The following GRID2 variants were observed in gnomAD, a reference collection of about 807,000 sequenced individuals.
The protein encoded by GRID2 is glutamate ionotropic receptor delta type subunit 2.
GRID2 carries 33 observed loss-of-function variants against 114.8 expected under a neutral mutation model. That is an observed-to-expected ratio of 0.29 (90% confidence interval 0.22 to 0.38). The LOEUF (loss-of-function observed/expected upper bound fraction) is 0.38. Ranked by LOEUF, GRID2 falls within the 10% of genes least tolerant of loss-of-function variation. The pLI, the probability that GRID2 is intolerant of heterozygous loss-of-function variation, is 1.00. For synonymous variants in GRID2, 505 were observed against 449.9 expected (o/e 1.12, Z -1.55); for missense variants, 1,184 against 1,257.7 (o/e 0.94, Z 0.89).
chr4:93,030,003 G>A (rs1201437457), intron 2 of GRID2, among the ~76,000 whole-genome samples: 1 of 152,152 alleles, frequency 6.6e-6, no homozygotes, highest in Non-Finnish European at 1.5e-5. Flanking sequence ...CACAGCTGGA[G>A]AAATGTACAG....
intron 14 of GRID2, among the ~76,000 whole-genome samples, chr4:93,660,226 A>G (rs1723369063): frequency 6.6e-6 from 1 of 152,160 alleles, no homozygotes; most frequent in Non-Finnish European, 1.5e-5. Flanking sequence ...TATCCCAGTC[A>G]AAACAGCTCC....
At chr4:93,008,066 A>G (rs1186193646) in intron 2 of GRID2, among the ~76,000 whole-genome samples, 1 of 151,108 alleles carries the variant, frequency 6.6e-6, no homozygotes, top group Admixed American at 6.6e-5. Flanking sequence ...CTTGATTTTC[A>G]TGTAGGTAAT....
At chr4:93,711,180 G>A (rs1728445340) in intron 14 of GRID2, among the ~76,000 whole-genome samples, 1 of 151,940 alleles carries the variant, frequency 6.6e-6, no homozygotes, top group African/African-American at 2.4e-5. Flanking sequence ...AATGCACTGG[G>A]TCAGACCTAA....
chr4:93,467,409 T>C (rs1724394118), intron 11 of GRID2, among the ~76,000 whole-genome samples: 1 of 152,340 alleles, frequency 6.6e-6, no homozygotes, highest in South Asian at 2.1e-4. Context: ...GTCTGTATTT[T>C]ATATAAAGGT....
At chr4:92,857,791 T>C (rs932027701) in intron 2 of GRID2, among the ~76,000 whole-genome samples, 1 of 152,198 alleles carries the variant, frequency 6.6e-6, no homozygotes, top group Non-Finnish European at 1.5e-5. Context: ...TGATATTGGA[T>C]AAACATGCTA....
At chr4:92,948,192 T>C (rs1206413971) in intron 2 of GRID2, among the ~76,000 whole-genome samples, 1 of 151,986 alleles carries the variant, frequency 6.6e-6, no homozygotes. Context: ...TGGTTATTTA[T>C]ATTTTTACCA....
At chr4:93,270,760 C>T (rs1323210119) in intron 8 of GRID2, among the ~76,000 whole-genome samples, 2 of 152,048 alleles carry the variant, frequency 1.3e-5, no homozygotes. Flanking sequence ...TCCTGAGTAG[C>T]TGGAATTACA....
intron 3 of GRID2, among the ~76,000 whole-genome samples, chr4:93,100,668 C>T (rs917578206): frequency 6.6e-6 from 1 of 151,976 alleles, no homozygotes; most frequent in African/African-American, 2.4e-5. Flanking sequence ...AACACCAAGA[C>T]TGGCTGAATA....
intron 14 of GRID2, among the ~76,000 whole-genome samples, chr4:93,659,709 C>T (rs1723317489): frequency 6.6e-6 from 1 of 152,104 alleles, no homozygotes; most frequent in African/African-American, 2.4e-5. Context: ...ATTGCAGACC[C>T]AAACATAGCT....
At chr4:93,210,753 T>C (rs987542688) in intron 5 of GRID2, among the ~76,000 whole-genome samples, 6 of 152,020 alleles carry the variant, frequency 3.9e-5, no homozygotes, top group Non-Finnish European at 8.8e-5. Context: ...GATAATTATC[T>C]TTATGGTTTA....
intron 1 of GRID2, among the ~76,000 whole-genome samples, chr4:92,417,076 C>G (rs1457151409): frequency 6.6e-6 from 1 of 151,942 alleles, no homozygotes; most frequent in Non-Finnish European, 1.5e-5. Flanking sequence ...CTTCTTTCAT[C>G]AGTGTTTTCA....
chr4:92,527,935 C>T (rs1285746072), intron 1 of GRID2, among the ~76,000 whole-genome samples: 1 of 151,990 alleles, frequency 6.6e-6, no homozygotes, highest in Non-Finnish European at 1.5e-5. Context: ...TTACAGTGCT[C>T]CATTCTTATT....
At chr4:93,303,041 G>A (rs1755036674) in intron 8 of GRID2, among the ~76,000 whole-genome samples, 1 of 152,180 alleles carries the variant, frequency 6.6e-6, no homozygotes, top group African/African-American at 2.4e-5. Flanking sequence ...CATCATGGAG[G>A]GAGGCAAAGG....
chr4:92,315,490 T>C (rs988275046), intron 1 of GRID2, among the ~76,000 whole-genome samples: 4 of 152,118 alleles, frequency 2.6e-5, no homozygotes, highest in Admixed American at 2.0e-4. Flanking sequence ...CTTGGGGTGG[T>C]GAAATATCAT....
intron 8 of GRID2, among the ~76,000 whole-genome samples, chr4:93,375,067 T>C (rs1377565315): frequency 6.6e-6 from 1 of 152,132 alleles, no homozygotes; most frequent in Non-Finnish European, 1.5e-5. Flanking sequence ...AAGCAACACA[T>C]GGAAAGGGCA....
intron 9 of GRID2, among the ~76,000 whole-genome samples, chr4:93,398,026 A>T (rs1360278782): frequency 6.6e-6 from 1 of 151,000 alleles, no homozygotes. Context: ...TTTTGCATGT[A>T]TTGTCTTATT....
intron 1 of GRID2, among the ~76,000 whole-genome samples, chr4:92,558,922 T>C (rs1439841934): frequency 6.6e-6 from 1 of 152,184 alleles, no homozygotes; most frequent in African/African-American, 2.4e-5. Flanking sequence ...TTACTGGTTT[T>C]ATATCTCTTA....
chr4:93,187,791 A>G (rs967917074), intron 4 of GRID2, among the ~76,000 whole-genome samples: 7 of 152,228 alleles, frequency 4.6e-5, no homozygotes, highest in African/African-American at 1.4e-4. Flanking sequence ...CATTCCAAAA[A>G]GAAGAAATAG....
intron 8 of GRID2, among the ~76,000 whole-genome samples, chr4:93,385,611 G>A (rs535353114): frequency 1.3e-5 from 2 of 152,114 alleles, no homozygotes; most frequent in Admixed American, 1.3e-4. Flanking sequence ...TCTAGTAGGG[G>A]ACATAAGTTA....
Sources: allele counts gnomAD v4.1 joint callset (sites outside exome capture counted in the v4.1 genomes callset), GRCh38; gene constraint gnomAD v4.1.1; transcripts MANE v1.5; gene names NCBI Gene and HGNC (gene_info 2026-07-23, HGNC 2026-07-21).